The following SLC35F3 variants were observed in gnomAD, a reference collection of about 807,000 sequenced individuals.
The protein encoded by SLC35F3 is putative thiamine transporter SLC35F3.
A neutral mutation model predicts 49.9 loss-of-function variants in SLC35F3; 25 were observed. The ratio of observed to expected loss-of-function variants is 0.50; its 90% CI spans 0.37 to 0.70. The LOEUF (loss-of-function observed/expected upper bound fraction) is 0.70, where lower values mean the gene tolerates loss of function less well. Among genes scored for constraint, SLC35F3 ranks in the 30% least tolerant of loss-of-function variants. The probability of loss-of-function intolerance (pLI) is 0.00; values close to 1 mark genes in which losing one functional copy is unlikely to be tolerated. For synonymous variants in SLC35F3, 275 were observed against 265.4 expected, an observed-to-expected ratio of 1.04 and a Z score of -0.35; for missense variants, 525 against 639.8, an observed-to-expected ratio of 0.82 and a Z score of 1.94.
chr1:234,156,389 C>T (rs150023422), intron 2 of SLC35F3, among the ~76,000 whole-genome samples: 53 of 152,192 alleles, frequency 3.5e-4, no homozygotes, highest in African/African-American at 1.2e-3. Flanking sequence ...AGTACCACTT[C>T]GAGAAATGTA....
intron 3 of SLC35F3, among the ~76,000 whole-genome samples, chr1:234,284,056 C>T (rs917960309): frequency 2.0e-5 from 3 of 152,134 alleles, no homozygotes; most frequent in Non-Finnish European, 4.4e-5. Context: ...CAGGTGCACA[C>T]CACCACACCT....
intron 2 of SLC35F3, among the ~76,000 whole-genome samples, chr1:234,139,144 C>T (rs1665851673): frequency 6.6e-6 from 1 of 152,194 alleles, no homozygotes; most frequent in Admixed American, 6.5e-5. Context: ...TCTTTATGTC[C>T]TTCTAACAAC....
intron 2 of SLC35F3, among the ~76,000 whole-genome samples, chr1:234,180,061 A>T (rs1041267074): frequency 6.6e-6 from 1 of 152,160 alleles, no homozygotes; most frequent in African/African-American, 2.4e-5. Flanking sequence ...CATTTTTTGT[A>T]ACCCACTGCC....
chr1:234,278,775 CAGAG>C (rs150343657), intron 3 of SLC35F3, among the ~76,000 whole-genome samples: 1 of 152,038 alleles, frequency 6.6e-6, no homozygotes, highest in Admixed American at 6.6e-5. Flanking sequence ...CCTTATGAGG[CAGAG>C]AGAGCAAGCT....
At chr1:234,048,358 A>G (rs889028136) in intron 2 of SLC35F3, among the ~76,000 whole-genome samples, 1 of 152,238 alleles carries the variant, frequency 6.6e-6, no homozygotes, top group African/African-American at 2.4e-5. Context: ...GAGGTTATCC[A>G]TGATGTTAAT....
At chr1:234,314,629 C>T (rs7515623) in intron 4 of SLC35F3, among the ~76,000 whole-genome samples, 49,113 of 151,988 alleles carry the variant, frequency 0.32, 8,460 homozygotes, top group East Asian at 0.72. Flanking sequence ...GGTGTGGTGG[C>T]GGGCACCTGT....
intron 3 of SLC35F3, among the ~76,000 whole-genome samples, chr1:234,244,908 G>T (rs1046520149): frequency 6.6e-6 from 1 of 152,120 alleles, no homozygotes; most frequent in Non-Finnish European, 1.5e-5. Flanking sequence ...ACTATGTAAT[G>T]ATCAAGTCAC....
intron 2 of SLC35F3, among the ~76,000 whole-genome samples, chr1:234,204,520 T>G (rs1666944196): frequency 6.6e-6 from 1 of 152,172 alleles, no homozygotes; most frequent in South Asian, 2.1e-4. Context: ...TCACCTCAGA[T>G]GCACCCCTGG....
intron 2 of SLC35F3, among the ~76,000 whole-genome samples, chr1:233,920,246 A>C (rs558984997): frequency 3.0e-4 from 45 of 152,356 alleles, no homozygotes; most frequent in Non-Finnish European, 4.0e-4. Context: ...GAAATGCTAT[A>C]ATGTTAAAGA....
chr1:234,035,678 T>C (rs1664131112), intron 2 of SLC35F3, among the ~76,000 whole-genome samples: 1 of 152,228 alleles, frequency 6.6e-6, no homozygotes, highest in African/African-American at 2.4e-5. Flanking sequence ...CTCCACTTTC[T>C]AAGCTCCTTA....
chr1:234,301,873 G>C (rs1170235980), intron 3 of SLC35F3, among the ~76,000 whole-genome samples: 6 of 152,184 alleles, frequency 3.9e-5, no homozygotes. Flanking sequence ...AAAGAAATAA[G>C]AACATGTCCT....
In SLC35F3 at chr1:234,227,392, C is replaced by CTTTTT. The variant is rs369277069; in HGVS notation, c.284-4005_284-4001dup. ...TCCTTGAGGCACTGCCTCTTTCTTT[C>CTTTTT]TTTTTTTTTTTTTTTTTTTTTTTTG... On this transcript the variant is annotated intron_variant, in intron 2 of 7. Coordinates refer to ENST00000366618, the MANE Select transcript of SLC35F3 (RefSeq NM_173508.4). Among the ~76,000 whole-genome samples the CTTTTT allele has an allele frequency of 5.7e-3, 621 of 108,620 alleles. 1 individual carries two copies. The highest frequency in any genetic ancestry group is 9.8e-3 in the Non-Finnish European group (492 of 50,168). The allele number at this position is 108,620 out of a possible 152,430, so 71.3% of individuals were successfully genotyped here.
At chr1:234,137,178 A>G (rs1419277438) in intron 2 of SLC35F3, among the ~76,000 whole-genome samples, 1 of 152,254 alleles carries the variant, frequency 6.6e-6, no homozygotes, top group African/African-American at 2.4e-5. Flanking sequence ...GACATAGTCA[A>G]TGAATGCTTT....
intron 3 of SLC35F3, chr1:234,261,798 T>A (rs1667909758): frequency 6.6e-6 from 1 of 152,168 alleles, no homozygotes. Flanking sequence ...ATCATGCTGG[T>A]AGGAGTGAGG....
intron 2 of SLC35F3, among the ~76,000 whole-genome samples, chr1:234,194,773 T>C (rs1666782899): frequency 6.6e-6 from 1 of 152,156 alleles, no homozygotes; most frequent in South Asian, 2.1e-4. Flanking sequence ...GTGATTCTAA[T>C]AGTGAATCAG....
intron 3 of SLC35F3, among the ~76,000 whole-genome samples, chr1:234,269,776 C>A (rs201205195): frequency 6.6e-6 from 1 of 152,124 alleles, no homozygotes; most frequent in East Asian, 1.9e-4. Context: ...TGTGTTCTCA[C>A]CCTATTAGTT....
chr1:234,011,715 C>T lies in SLC35F3; in HGVS notation c.283+105957C>T, dbSNP rs544942121. 3.9e-5 allele frequency among the ~76,000 whole-genome samples: 6 copies of T among 152,230 alleles called. No homozygotes were observed. In the East Asian group the frequency reaches 1.2e-3, roughly 29 times the overall value. ...CTCTATGCAGACAGTGGCCCTAGCC[C>T]AAAATTGATATTTTTCTTATCAATG... On this transcript the variant is annotated intron_variant, in intron 2 of 7. Coordinates refer to ENST00000366618, the MANE Select transcript of SLC35F3 (RefSeq NM_173508.4).
intron 2 of SLC35F3, among the ~76,000 whole-genome samples, chr1:234,109,321 A>G (rs377434654): frequency 1.8e-4 from 27 of 152,164 alleles, no homozygotes; most frequent in African/African-American, 6.0e-4. Flanking sequence ...CATTTCTAGA[A>G]TTTTTGCTTT....
chr1:234,323,036 C>T lies in SLC35F3; in HGVS notation c.1266C>T (p.Val422=), dbSNP rs1056793236. ...TTGATCACTACACCAGTCAGATCGTCTTCAATGGGGTCCGGGTCATCGCCA... is the reference window on the plus strand; with the variant it reads ...TTGATCACTACACCAGTCAGATCGTTTTCAATGGGGTCCGGGTCATCGCCA... ...AVIDHYTSQI[V]FNGVRVIAII... The change falls in exon 8 of 8, where the codon GTC becomes GTT. Residue 422 remains valine (V), a synonymous_variant. Transcript: ENST00000366618. This position sits in a 1 kb window ranked among gnomAD's most constrained non-coding sequence, Gnocchi z 4.5. 23 of 1,613,946 alleles carry T rather than the reference C, an allele frequency of 1.4e-5. 1 individual carries two copies. The Admixed American group carries it at 2.5e-4, about 18-fold the overall frequency.
Sources: allele counts gnomAD v4.1 joint callset (sites outside exome capture counted in the v4.1 genomes callset), GRCh38; gene constraint gnomAD v4.1.1; non-coding constraint Gnocchi (gnomAD v3.1); transcripts MANE v1.5; gene names NCBI Gene and HGNC (gene_info 2026-07-23, HGNC 2026-07-21).